Variants in RBMS1 observed in about 807,000 individuals in gnomAD.
The protein encoded by RBMS1 is RNA binding motif single stranded interacting protein 1.
A neutral mutation model predicts 62.3 loss-of-function variants in RBMS1; 17 were observed. That is an observed-to-expected ratio of 0.27 (90% CI 0.19 to 0.41). RBMS1 has a LOEUF of 0.41. Ranked by LOEUF, RBMS1 falls within the 10% of genes least tolerant of loss-of-function variation. The pLI is 1.00. For missense variants in RBMS1, 334 were observed against 504.5 expected (o/e 0.66, Z 3.24); for synonymous variants, 172 against 170.0 (o/e 1.01, Z -0.09).
At chr2:160,401,195 A>G (rs1695409574) in intron 1 of RBMS1, among the ~76,000 whole-genome samples, 1 of 152,226 alleles carries the variant, frequency 6.6e-6, no homozygotes, top group African/African-American at 2.4e-5. Flanking sequence ...TGTATTGCAT[A>G]TACAATTGAC....
At chr2:160,301,356 T>C (rs1347428886) in intron 5 of RBMS1, among the ~76,000 whole-genome samples, 2 of 152,216 alleles carry the variant, frequency 1.3e-5, no homozygotes. Context: ...TGAAAGTATC[T>C]GAGAAACATT....
intron 7 of RBMS1, among the ~76,000 whole-genome samples, chr2:160,285,847 C>T (rs751161617): frequency 1.3e-4 from 19 of 151,946 alleles, no homozygotes; most frequent in Admixed American, 5.9e-4. Flanking sequence ...CACGATGGTT[C>T]ACGCCTGTAA....
intron 1 of RBMS1, among the ~76,000 whole-genome samples, chr2:160,484,700 C>T (rs1427307793): frequency 1.3e-5 from 2 of 150,966 alleles, no homozygotes; most frequent in Non-Finnish European, 3.0e-5. Context: ...TGAAACCCCG[C>T]CTCTACTGAA....
chr2:160,315,148 A>T (rs1449329700), intron 3 of RBMS1, among the ~76,000 whole-genome samples: 2 of 152,174 alleles, frequency 1.3e-5, no homozygotes, highest in Non-Finnish European at 2.9e-5. Flanking sequence ...TCTTATAGAG[A>T]AATCCATAAT....
At chr2:160,382,781 T>A (rs910124152) in intron 1 of RBMS1, among the ~76,000 whole-genome samples, 1 of 152,212 alleles carries the variant, frequency 6.6e-6, no homozygotes, top group African/African-American at 2.4e-5. Flanking sequence ...TCTGGGTGGT[T>A]TGATAAAATT....
At chr2:160,392,207 T>G (rs754566995) in intron 1 of RBMS1, among the ~76,000 whole-genome samples, 1 of 152,208 alleles carries the variant, frequency 6.6e-6, no homozygotes, top group African/African-American at 2.4e-5. Flanking sequence ...TTCTTTCAAG[T>G]CCTTCTGTGC....
In RBMS1 at chr2:160,367,319, T is replaced by G. The variant is rs745390750; in HGVS notation, c.148A>C (p.Ser50Arg). 4.3e-6 allele frequency: 7 copies of G among 1,613,954 alleles called. No homozygotes were observed. Among genetic ancestry groups the G allele is most frequent in the Non-Finnish European group, 5.9e-6 (7 of 1,179,978 alleles). Residue 50 changes from serine to arginine, a missense_variant, in exon 2 of 14, where the codon AGC (serine) becomes CGC (arginine). By Grantham distance (110) the Ser-to-Arg change is moderately radical (BLOSUM62 -1). Around this residue, in one of 3 missense-constraint regions of RBMS1, gnomAD observed 150 missense variants for 228.0 expected, o/e 0.66. Coordinates refer to ENST00000348849, the MANE Select transcript of RBMS1 (RefSeq NM_016836.4). ...STTSSNNNSS[S>R]SSNSGWDQLS... The stretch of plus-strand genomic sequence containing the variant: ...TGATCCCATCCTGAGTTGCTACTGC[T>G]GCTACTGTTGTTATTACTGCTGGTG...
At chr2:160,329,901 C>A (rs140979868) in intron 2 of RBMS1, among the ~76,000 whole-genome samples, 5 of 151,998 alleles carry the variant, frequency 3.3e-5, no homozygotes, top group African/African-American at 1.2e-4. Context: ...AACAAAAAAA[C>A]TAGATTCTAG....
intron 1 of RBMS1, among the ~76,000 whole-genome samples, chr2:160,449,446 A>G (rs1047797091): frequency 5.3e-5 from 8 of 152,254 alleles, no homozygotes; most frequent in Admixed American, 2.6e-4. Flanking sequence ...TGTAGAAAGA[A>G]GTAGACATGG....
At chr2:160,475,516 A>C (rs968561996) in intron 1 of RBMS1, among the ~76,000 whole-genome samples, 1 of 152,180 alleles carries the variant, frequency 6.6e-6, no homozygotes, top group East Asian at 1.9e-4. Flanking sequence ...GCTCTTTCAG[A>C]CTTTGAGTAG....
At chr2:160,291,855 T>C (rs1208514063) in intron 6 of RBMS1, among the ~76,000 whole-genome samples, 2 of 152,240 alleles carry the variant, frequency 1.3e-5, no homozygotes, top group Non-Finnish European at 2.9e-5. Flanking sequence ...ATTAAAGTCA[T>C]GTTAAATACA....
At chr2:160,437,671 C>T (rs982766924) in intron 1 of RBMS1, among the ~76,000 whole-genome samples, 1 of 152,204 alleles carries the variant, frequency 6.6e-6, no homozygotes, top group Non-Finnish European at 1.5e-5. Flanking sequence ...TGTCTCAGAA[C>T]ATTTTTGCAT....
intron 1 of RBMS1, among the ~76,000 whole-genome samples, chr2:160,452,247 G>A (rs1355753922): frequency 6.6e-6 from 1 of 152,058 alleles, no homozygotes; most frequent in Non-Finnish European, 1.5e-5. Flanking sequence ...GAGCTCCCAG[G>A]AAATCCCAAA....
At chr2:160,409,280 T>TA (rs34622117) in intron 1 of RBMS1, among the ~76,000 whole-genome samples, 33,220 of 141,750 alleles carry the variant, frequency 0.23, 4,144 homozygotes, top group Admixed American at 0.38. Flanking sequence ...TTCTTTTCAT[T>TA]AAAAAAAAAA....
intron 6 of RBMS1, 78 bp downstream of exon 6, chr2:160,300,572 AT>A (rs946574737): frequency 6.2e-6 from 9 of 1,458,204 alleles, no homozygotes; most frequent in Admixed American, 5.1e-5. Context: ...TTTTTGTTCT[AT>A]TGAAGAGTCA....
chr2:160,445,370 TA>T (rs572561140), intron 1 of RBMS1, among the ~76,000 whole-genome samples: 58 of 152,210 alleles, frequency 3.8e-4, no homozygotes, highest in Non-Finnish European at 7.2e-4. Flanking sequence ...ACTCTGGGAC[TA>T]AAATGGAATA....
At position 160,493,488 on chromosome 2, in the gene RBMS1, T is replaced by C. The variant is rs963900711; in HGVS notation, c.-125A>G. ...CGGCGGCGGCGGCGGCTGCTGCTGC[T>C]GCCGCTGCTCCACCTCCCAGCCGGG... On this transcript the variant is annotated 5_prime_UTR_variant, in exon 1 of 14. Transcript: ENST00000348849. The C allele has an allele frequency of 5.1e-6, 4 of 787,744 alleles. No homozygotes were observed. The highest frequency in any genetic ancestry group is 3.5e-5 in the African/African-American group (2 of 57,616). 48.8% of individuals were successfully genotyped at this position (787,744 alleles called of 1,614,324 possible).
chr2:160,304,514 C>T (rs779997760), intron 4 of RBMS1, among the ~76,000 whole-genome samples: 13 of 152,164 alleles, frequency 8.5e-5, no homozygotes, highest in Non-Finnish European at 1.8e-4. Flanking sequence ...TGCATAATGA[C>T]ATTTCAGTTA....
chr2:160,408,018 C>T, intron 1 of RBMS1: 1 of 726,286 alleles, frequency 1.4e-6, no homozygotes, highest in Non-Finnish European at 1.7e-6. Flanking sequence ...CCCCATCGCC[C>T]GCCCGGCCCC....
Sources: gnomAD v4.1 joint callset for allele counts (sites outside exome capture counted in the v4.1 genomes callset) on GRCh38, gnomAD v4.1.1 for gene constraint, gnomAD v4.1.1 regional missense constraint, MANE v1.5 for transcripts, NCBI Gene and HGNC (gene_info 2026-07-23, HGNC 2026-07-21) for gene names.